Variants in MBTPS1 observed in about 807,000 individuals in gnomAD.
MBTPS1 encodes the protein membrane bound transcription factor peptidase, site 1, also known as membrane-bound transcription factor site-1 protease.
A neutral mutation model predicts 127.8 loss-of-function variants in MBTPS1; 94 were observed. The ratio of observed to expected loss-of-function variants is 0.74; its 90% CI spans 0.62 to 0.87. The LOEUF (loss-of-function observed/expected upper bound fraction) is 0.87. Among genes scored for constraint, MBTPS1 ranks in the 40% least tolerant of loss-of-function variants. The probability of loss-of-function intolerance (pLI) is 0.00; values close to 1 mark genes in which losing one functional copy is unlikely to be tolerated. For missense variants in MBTPS1, 1,636 were observed against 1,353.2 expected (o/e 1.21, Z -3.28); for synonymous variants, 632 against 509.4 (o/e 1.24, Z -3.24).
intron 6 of MBTPS1, among the ~76,000 whole-genome samples, chr16:84,092,684 T>G (rs1398805387): frequency 6.6e-6 from 1 of 152,142 alleles, no homozygotes; most frequent in African/African-American, 2.4e-5. Flanking sequence ...AAACAAATAC[T>G]AGGACCCTCT....
At chr16:84,113,633 G>C (rs1161739601) in intron 1 of MBTPS1, among the ~76,000 whole-genome samples, 3 of 152,146 alleles carry the variant, frequency 2.0e-5, no homozygotes, top group African/African-American at 7.2e-5. Flanking sequence ...ATAATTCTGG[G>C]CATAACTAAA....
At chr16:84,056,255 GCC>G in intron 21 of MBTPS1, 120 bp from the exon 22 acceptor site, 2 of 799,154 alleles carry the variant, frequency 2.5e-6, no homozygotes, top group South Asian at 2.0e-5. Flanking sequence ...GATGTGAAAT[GCC>G]ATTTGCGTCC....
intron 17 of MBTPS1, 31 bp from the exon 18 acceptor site, chr16:84,065,798 A>G: frequency 7.3e-7 from 1 of 1,368,598 alleles, no homozygotes; most frequent in Non-Finnish European, 1.0e-6. Context: ...TCAAGGGAAC[A>G]CAGGAACGCC....
chr16:84,090,853 C>A (rs1345461175), intron 8 of MBTPS1, 22 bp downstream of exon 8: 5 of 1,583,650 alleles, frequency 3.2e-6, no homozygotes, highest in Non-Finnish European at 4.3e-6. Context: ...TCCCCGAGGT[C>A]ATCCCTGCTG....
chr16:84,103,560 T>C (rs766927960), intron 1 of MBTPS1, among the ~76,000 whole-genome samples: 3 of 152,112 alleles, frequency 2.0e-5, no homozygotes, highest in Non-Finnish European at 4.4e-5. Context: ...CCACTACTTG[T>C]TTTTAAAAAG....
chr16:84,109,565 C>A (rs2086371897), intron 1 of MBTPS1: 1 of 152,176 alleles, frequency 6.6e-6, no homozygotes, highest in African/African-American at 2.4e-5. Context: ...CTGGGAGGTT[C>A]CTGACAAAGA....
At chr16:84,101,587 T>C in intron 2 of MBTPS1, 34 bp downstream of exon 2, 1 of 1,541,522 alleles carries the variant, frequency 6.5e-7, no homozygotes, top group South Asian at 1.2e-5. Flanking sequence ...AAAAATAGGA[T>C]GGGAGTTCCT....
At chr16:84,067,032 ATTCCCT>A (rs1326243056) in intron 16 of MBTPS1, among the ~76,000 whole-genome samples, 1 of 152,202 alleles carries the variant, frequency 6.6e-6, no homozygotes, top group Non-Finnish European at 1.5e-5. Flanking sequence ...GAAGGACATT[ATTCCCT>A]TTGAGTAAAT....
chr16:84,107,458 G>A (rs1224336875), intron 1 of MBTPS1, among the ~76,000 whole-genome samples: 5 of 152,130 alleles, frequency 3.3e-5, no homozygotes, highest in Admixed American at 1.3e-4. Flanking sequence ...ACTTGCTTGC[G>A]TTCCTAAAAG....
intron 8 of MBTPS1, among the ~76,000 whole-genome samples, chr16:84,089,279 T>C (rs1003074966): frequency 6.6e-6 from 1 of 152,278 alleles, no homozygotes; most frequent in Non-Finnish European, 1.5e-5. Context: ...CACCTGTTTT[T>C]GCAAATACAG....
In MBTPS1 at chr16:84,064,385, T is replaced by C. The variant is rs558284839; in HGVS notation, c.2432-940A>G. On this transcript the variant is annotated intron_variant, in intron 18 of 22. Transcript: ENST00000343411. ...TTTGCCTTGTGGTATTTGATGGGAGTTTTATTTCTGCCATCAGGGTCTTTT... is the reference window on the plus strand; with the variant it reads ...TTTGCCTTGTGGTATTTGATGGGAGCTTTATTTCTGCCATCAGGGTCTTTT... Among the ~76,000 whole-genome samples, 9 of 152,096 alleles carry C rather than the reference T, an allele frequency of 5.9e-5. No individual in the cohort carries two copies. In the South Asian group the frequency reaches 1.7e-3, roughly 28 times the overall value.
intron 8 of MBTPS1, among the ~76,000 whole-genome samples, chr16:84,089,864 G>A (rs1227000541): frequency 3.3e-5 from 5 of 152,210 alleles, no homozygotes; most frequent in Non-Finnish European, 5.9e-5. Context: ...TCAGAAATGG[G>A]AGGAACATTT....
rs186462795 is a variant in MBTPS1 at position 84,095,508 on chromosome 16, G to C, written c.625+94C>G. On this transcript the variant is annotated intron_variant, in intron 4 of 22. Coordinates refer to ENST00000343411, the MANE Select transcript of MBTPS1 (RefSeq NM_003791.4). ...TTAGCACTAGGCAGTCCCGAACATG[G>C]AATTCCTGCATGTCTGGACTTTCCG... 3.0e-6 allele frequency: 4 copies of C among 1,349,892 alleles called. No homozygotes were observed. The South Asian group carries it at 3.8e-5, about 13-fold the overall frequency. 83.6% of individuals were successfully genotyped at this position (1,349,892 alleles called of 1,614,324 possible).
chr16:84,079,528 G>A (rs556790692), intron 11 of MBTPS1, among the ~76,000 whole-genome samples: 2 of 152,194 alleles, frequency 1.3e-5, no homozygotes, highest in East Asian at 3.9e-4. Flanking sequence ...AGATAATGAC[G>A]CACTGTCACA....
At chr16:84,099,938 CAG>C (rs974356315) in intron 2 of MBTPS1, among the ~76,000 whole-genome samples, 3 of 152,152 alleles carry the variant, frequency 2.0e-5, no homozygotes, top group Admixed American at 6.5e-5. Flanking sequence ...AAAAGAAATT[CAG>C]AGAACTGAAT....
At chr16:84,111,977 G>C (rs2086404060) in intron 1 of MBTPS1, among the ~76,000 whole-genome samples, 1 of 151,430 alleles carries the variant, frequency 6.6e-6, no homozygotes, top group Admixed American at 6.6e-5. Context: ...AAGGCAGGCG[G>C]ATCACTTGAG....
At chr16:84,075,556 T>A (rs1216600026) in intron 11 of MBTPS1, 1 of 152,264 alleles carries the variant, frequency 6.6e-6, no homozygotes, top group African/African-American at 2.4e-5. Flanking sequence ...CAGGCATACG[T>A]GGATCCTGCT....
At chr16:84,064,865 G>C (rs1597307867) in intron 18 of MBTPS1, among the ~76,000 whole-genome samples, 1 of 152,170 alleles carries the variant, frequency 6.6e-6, no homozygotes. Flanking sequence ...TATTCCAGTT[G>C]CAAGTAGATA....
chr16:84,104,787 C>T (rs538840761), intron 1 of MBTPS1, among the ~76,000 whole-genome samples: 4 of 152,140 alleles, frequency 2.6e-5, no homozygotes, highest in Admixed American at 2.6e-4. Context: ...GAAAAAAAGG[C>T]CAGGCGCGGT....
Sources: gnomAD v4.1 joint callset for allele counts (sites outside exome capture counted in the v4.1 genomes callset) on GRCh38, gnomAD v4.1.1 for gene constraint, MANE v1.5 for transcripts, NCBI Gene and HGNC (gene_info 2026-07-23, HGNC 2026-07-21) for gene names.